AKAP10: variants seen among roughly 807,000 people sequenced by gnomAD.
The protein encoded by AKAP10 is A-kinase anchoring protein 10.
Under a neutral mutation model 80.8 loss-of-function variants are expected in AKAP10, and 24 were observed. The observed-to-expected ratio is 0.30, with a 90% CI of 0.22 to 0.42. The LOEUF is 0.42. Among genes scored for constraint, AKAP10 ranks in the 10% least tolerant of loss-of-function variants. AKAP10 has a pLI of 1.00. For missense variants in AKAP10, 661 were observed against 794.9 expected, an observed-to-expected ratio of 0.83 and a Z score of 2.03; for synonymous variants, 291 against 277.7, an observed-to-expected ratio of 1.05 and a Z score of -0.48.
chr17:19,916,637 TAA>T (rs767359539), intron 12 of AKAP10, among the ~76,000 whole-genome samples: 11 of 140,610 alleles, frequency 7.8e-5, no homozygotes, highest in Non-Finnish European at 7.8e-5. Flanking sequence ...GAGACCAGAT[TAA>T]AAAAAAAAAA....
intron 12 of AKAP10, among the ~76,000 whole-genome samples, chr17:19,912,361 A>G (rs952429504): frequency 1.2e-4 from 19 of 152,146 alleles, no homozygotes; most frequent in African/African-American, 4.6e-4. Flanking sequence ...ACATAGTGAA[A>G]CCCCATCTCT....
intron 10 of AKAP10, chr17:19,929,346 C>A (rs1248178539): frequency 1.3e-5 from 2 of 152,076 alleles, no homozygotes; most frequent in Non-Finnish European, 2.9e-5. Flanking sequence ...TGTGAATTAG[C>A]ACAATAAAGC....
intron 1 of AKAP10, among the ~76,000 whole-genome samples, chr17:19,977,098 T>C (rs1038107407): frequency 6.6e-6 from 1 of 152,182 alleles, no homozygotes; most frequent in Non-Finnish European, 1.5e-5. Flanking sequence ...TAGCAATAAG[T>C]AATTTTATTT....
Position 19,977,601 on chromosome 17 carries a change from GGAA to G in AKAP10, c.76_78del (p.Phe26del). ...GCGCCCCCTCAGCTACCTTTCCGCCGGAAGAAGGACATGGCGGGGCCCGGGTCG... is the reference window on the plus strand; with the variant it reads ...GCGCCCCCTCAGCTACCTTTCCGCCGGAAGGACATGGCGGGGCCCGGGTCG... On this transcript the variant is annotated inframe_deletion, in exon 1 of 15. Transcript: ENST00000225737. The G allele has an allele frequency of 8.1e-7, 1 of 1,234,646 alleles. No individual in the cohort carries two copies. Among genetic ancestry groups the G allele is most frequent in the Non-Finnish European group, 1.0e-6 (1 of 987,964 alleles). The allele number at this position is 1,234,646 out of a possible 1,614,324, so 76.5% of individuals were successfully genotyped here.
At chr17:19,927,338 A>C (rs1424820491) in intron 10 of AKAP10, among the ~76,000 whole-genome samples, 1 of 151,770 alleles carries the variant, frequency 6.6e-6, no homozygotes, top group Non-Finnish European at 1.5e-5. Context: ...TATCTTAAAA[A>C]AACAAACAAA....
At chr17:19,941,275 C>T (rs1238286932) in intron 6 of AKAP10, among the ~76,000 whole-genome samples, 1 of 152,194 alleles carries the variant, frequency 6.6e-6, no homozygotes, top group Non-Finnish European at 1.5e-5. Context: ...TTTTATTAGG[C>T]TGTAACTTCC....
chr17:19,931,666 C>T (rs2152412953), intron 10 of AKAP10, 139 bp downstream of exon 10: 1 of 1,008,868 alleles, frequency 9.9e-7, no homozygotes, highest in Non-Finnish European at 1.4e-6. Flanking sequence ...GCTGGGATTA[C>T]AGGCACAGGC....
At chr17:19,957,455 T>C (rs528042926) in intron 4 of AKAP10, among the ~76,000 whole-genome samples, 3 of 151,666 alleles carry the variant, frequency 2.0e-5, no homozygotes, top group African/African-American at 7.3e-5. Context: ...GGCAGGAGAA[T>C]GGCATGAACC....
At chr17:19,912,408 G>A (rs983706726) in intron 12 of AKAP10, among the ~76,000 whole-genome samples, 4 of 152,132 alleles carry the variant, frequency 2.6e-5, no homozygotes, top group Admixed American at 6.5e-5. Flanking sequence ...ATGGTGGCAC[G>A]TACCTGTAGT....
At chr17:19,936,068 C>T (rs2042988818) in intron 9 of AKAP10, 2 of 373,364 alleles carry the variant, frequency 5.4e-6, no homozygotes, top group South Asian at 1.4e-4. Flanking sequence ...CCATTATAAT[C>T]GTACAGGACC....
rs1331895643 is a variant in AKAP10 at position 19,958,348 on chromosome 17, T to C, written c.543A>G (p.Ser181=). 3 of 1,614,146 alleles carry C rather than the reference T, an allele frequency of 1.9e-6. No individual in the cohort carries two copies. The highest frequency in any genetic ancestry group is 2.2e-5 in the South Asian group (2 of 91,088). ...TAGATGGAGAGACAGGCTCAGCCAG[T>C]GAGCTCTGCTTCACTGTGTTTAGAC... The part of the protein sequence containing the change: ...AHSLNTVKQS[S]LAEPVSPSKK... The change falls in exon 4 of 15, where the codon TCA becomes TCG. Residue 181 remains serine (S), a synonymous_variant. Coordinates refer to ENST00000225737, the MANE Select transcript of AKAP10 (RefSeq NM_007202.4).
At chr17:19,969,549 T>C (rs530026187) in intron 1 of AKAP10, among the ~76,000 whole-genome samples, 133 of 152,012 alleles carry the variant, frequency 8.7e-4, no homozygotes, top group Non-Finnish European at 1.6e-3. Context: ...TTTTTTTTTT[T>C]CAACATTAAA....
Position 19,905,981 on chromosome 17 carries a change from G to A in AKAP10, c.*246C>T, listed in dbSNP as rs1321999980. 2 of 496,606 alleles carry A rather than the reference G, an allele frequency of 4.0e-6. No homozygotes were observed. Among genetic ancestry groups the A allele is most frequent in the East Asian group, 3.1e-5 (1 of 32,424 alleles). 30.8% of individuals were successfully genotyped at this position (496,606 alleles called of 1,614,324 possible). A position where few individuals can be genotyped will look rare whatever the true frequency, so the allele number is the denominator to read the frequency against. ...CCATTGGAAAACTAATAATTTTCTA[G>A]TAATGTAAACAATACCATTTTGTAT... On this transcript the variant is annotated 3_prime_UTR_variant, in exon 15 of 15. Coordinates refer to ENST00000225737, the MANE Select transcript of AKAP10 (RefSeq NM_007202.4).
intron 3 of AKAP10, among the ~76,000 whole-genome samples, chr17:19,961,619 C>T (rs1245441347): frequency 6.6e-6 from 1 of 151,978 alleles, no homozygotes; most frequent in East Asian, 1.9e-4. Flanking sequence ...ATCTTTTTTT[C>T]AACTTATGAC....
chr17:19,964,341 T>G (rs933291457), intron 2 of AKAP10, among the ~76,000 whole-genome samples: 2 of 152,212 alleles, frequency 1.3e-5, no homozygotes, highest in Non-Finnish European at 2.9e-5. Flanking sequence ...AGTCTATCTT[T>G]CTTGGTCTCC....
intron 5 of AKAP10, among the ~76,000 whole-genome samples, chr17:19,946,240 T>C (rs12947562): frequency 6.9e-5 from 1 of 14,588 alleles, no homozygotes; most frequent in African/African-American, 3.4e-4. Context: ...ATATATATTA[T>C]ATATATATAT....
rs1419285384 is a variant in AKAP10 at position 19,964,021 on chromosome 17, T to C, written c.137-999A>G. ...AAAGATAATTTCAGTCATTCAATAATAGTTGTGGGAATTACAAAATGAAGA... is the reference window on the plus strand; with the variant it reads ...AAAGATAATTTCAGTCATTCAATAACAGTTGTGGGAATTACAAAATGAAGA... On this transcript the variant is annotated intron_variant, in intron 2 of 14. Transcript: ENST00000225737. 2.0e-5 allele frequency among the ~76,000 whole-genome samples: 3 copies of C among 152,298 alleles called. No homozygotes were observed. The East Asian group carries it at 5.8e-4, about 29-fold the overall frequency.
At position 19,906,233 on chromosome 17, in the gene AKAP10, C is replaced by A; in HGVS notation, c.1984-1G>T. ...CTTTATCTCAAGTTTTGAGTCATAA[C>A]TGAAAAAAGAAAAGAAAAGAAAATG... On this transcript the variant is annotated splice_acceptor_variant, in intron 14 of 14. Coordinates refer to ENST00000225737, the MANE Select transcript of AKAP10 (RefSeq NM_007202.4). LOFTEE classifies it high-confidence loss of function. 6.2e-7 allele frequency: 1 copy of A among 1,606,176 alleles called. No individual in the cohort carries two copies. The highest frequency in any genetic ancestry group is 1.7e-4 in the Middle Eastern group (1 of 6,040).
rs2043307196 is a variant in AKAP10 at position 19,958,376 on chromosome 17, T to C, written c.515A>G (p.His172Arg). 1.2e-6 allele frequency: 2 copies of C among 1,614,140 alleles called. No individual in the cohort carries two copies. Among genetic ancestry groups the C allele is most frequent in the Admixed American group, 1.7e-5 (1 of 60,006 alleles). The change falls in exon 4 of 15, where the codon CAC (histidine) becomes CGC (arginine). Residue 172 changes from histidine (H) to arginine (R), a missense_variant. Coordinates refer to ENST00000225737, the MANE Select transcript of AKAP10 (RefSeq NM_007202.4). ...GCTCTGCTTCACTGTGTTTAGACTG[T>C]GTGCTCTTATTCGCGACCAAGTTGT... ...HSTTWSRIRAHSLNTVKQSSL... is the reference protein window; with the variant it reads ...HSTTWSRIRARSLNTVKQSSL...
Sources: gnomAD v4.1 joint callset for allele counts (sites outside exome capture counted in the v4.1 genomes callset) on GRCh38, gnomAD v4.1.1 for gene constraint, MANE v1.5 for transcripts, NCBI Gene and HGNC (gene_info 2026-07-23, HGNC 2026-07-21) for gene names.